Variants in ADGRF5 observed in about 807,000 individuals in gnomAD.
ADGRF5 encodes the protein adhesion G protein-coupled receptor F5, also known as G-protein coupled receptor 116.
ADGRF5 carries 75 observed loss-of-function variants against 132.3 expected under a neutral mutation model. That is an observed-to-expected ratio of 0.57 (90% CI 0.47 to 0.69). ADGRF5 has a LOEUF of 0.69. Ranked by LOEUF, ADGRF5 falls within the 30% of genes least tolerant of loss-of-function variation. The pLI, the probability that ADGRF5 is intolerant of heterozygous loss-of-function variation, is 0.00. For synonymous variants in ADGRF5, 629 were observed against 597.6 expected (o/e 1.05, Z -0.77); for missense variants, 1,516 against 1,630.6 (o/e 0.93, Z 1.21).
At chr6:46,862,024 G>T (rs138621283) in intron 15 of ADGRF5, among the ~76,000 whole-genome samples, 2 of 151,968 alleles carry the variant, frequency 1.3e-5, no homozygotes, top group Admixed American at 6.5e-5. Context: ...CAGAGACAAA[G>T]ATCTGATTTG....
chr6:46,860,739 G>T lies in ADGRF5; in HGVS notation c.2355C>A (p.Thr785=), dbSNP rs1405320916. 4 of 1,613,294 alleles carry T rather than the reference G, an allele frequency of 2.5e-6. No homozygotes were observed. The African/African-American group carries it at 4.0e-5, about 16-fold the overall frequency. Reference sequence around the variant, plus strand: ...CCGTCATCATTTCTGAATTTACTTGGGTTGGAACTGTTGAGAGCAGATCAA... The same window carrying T: ...CCGTCATCATTTCTGAATTTACTTGTGTTGGAACTGTTGAGAGCAGATCAA... The part of the protein sequence containing the change: ...NILDLLSTVP[T]QVNSEMMTHV... The change falls in exon 16 of 21, where the codon ACC becomes ACA. Residue 785 remains threonine (T), a synonymous_variant. Transcript: ENST00000283296.
intron 1 of ADGRF5, among the ~76,000 whole-genome samples, chr6:46,934,034 T>C (rs1310961796): frequency 1.3e-5 from 2 of 152,246 alleles, no homozygotes; most frequent in Non-Finnish European, 2.9e-5. Flanking sequence ...CATTAAGATC[T>C]AGACTTTGTG....
intron 3 of ADGRF5, among the ~76,000 whole-genome samples, chr6:46,898,697 C>T (rs1380064658): frequency 6.6e-6 from 1 of 152,196 alleles, no homozygotes; most frequent in Non-Finnish European, 1.5e-5. Flanking sequence ...CCGTGAAAGG[C>T]TTGAACAGAT....
intron 2 of ADGRF5, chr6:46,905,534 A>T (rs1355882346): frequency 6.6e-6 from 1 of 152,228 alleles, no homozygotes; most frequent in Non-Finnish European, 1.5e-5. Context: ...AAAGAAAAAA[A>T]AATCAAACGC....
At chr6:46,925,476 G>A (rs937951388), upstream of ADGRF5, among the ~76,000 whole-genome samples, 2 of 152,334 alleles carry the variant, frequency 1.3e-5, no homozygotes, top group East Asian at 3.9e-4. Context: ...AAGCTCCTAA[G>A]TCGAGTGCAG....
rs148193845 is a variant in ADGRF5 at position 46,894,709 on chromosome 6, T to C, written c.157+5320A>G. 2.6e-3 allele frequency among the ~76,000 whole-genome samples: 391 copies of C among 152,334 alleles called. 2 individuals are homozygous for C. The highest frequency in any genetic ancestry group is 0.017 in the Middle Eastern group (5 of 294). On this transcript the variant is annotated intron_variant, in intron 3 of 20. Coordinates refer to ENST00000283296, the MANE Select transcript of ADGRF5 (RefSeq NM_001098518.2). Reference sequence around the variant, plus strand: ...TTAACTCTGTGAGCCATACTTTGCTTATCTGTAAATGAAAGGTAGTATTTT... The same window carrying C: ...TTAACTCTGTGAGCCATACTTTGCTCATCTGTAAATGAAAGGTAGTATTTT...
chr6:46,893,058 A>ATTTTTTTTT (rs35014340), intron 3 of ADGRF5, among the ~76,000 whole-genome samples: 6 of 86,734 alleles, frequency 6.9e-5, no homozygotes, highest in Non-Finnish European at 1.0e-4. Context: ...GACAACAGGG[A>ATTTTTTTTT]TTTTTTTTTT....
rs1301945643 is a variant in ADGRF5 at position 46,869,050 on chromosome 6, C to T, written c.1454G>A (p.Gly485Glu). 1.9e-6 allele frequency: 3 copies of T among 1,613,848 alleles called. No individual in the cohort carries two copies. Among genetic ancestry groups the T allele is most frequent in the Non-Finnish European group, 8.5e-7 (1 of 1,179,942 alleles). ...GATGCATTTTATAGAAAAGTTTTGT[C>T]CCTCAGAAACAGAAATTGGGTCCGG... ...ITPDPISVSEGQNFSIKCISD... is the reference protein window; with the variant it reads ...ITPDPISVSEEQNFSIKCISD... Residue 485 changes from glycine to glutamate, a missense_variant, in exon 12 of 21, where the codon GGA (glycine) becomes GAA (glutamate). Around this residue, in one of 2 missense-constraint regions of ADGRF5, gnomAD observed 945 missense variants for 929.4 expected, o/e 1.02. Transcript: ENST00000283296.
chr6:46,859,817 C>CTATTTTATTTTATTTTAT lies in ADGRF5; in HGVS notation c.2380-312_2380-295dup, dbSNP rs138926642. On this transcript the variant is annotated intron_variant, in intron 16 of 20. Coordinates refer to ENST00000283296, the MANE Select transcript of ADGRF5 (RefSeq NM_001098518.2). The stretch of plus-strand genomic sequence containing the variant: ...TTCAGCAGGCTGGCAGGGATATTTA[C>CTATTTTATTTTATTTTAT]TATTTTATTTTATTTTATTTTATTT... 2.4e-4 allele frequency among the ~76,000 whole-genome samples: 35 copies of CTATTTTATTTTATTTTAT among 146,178 alleles called. No homozygotes were observed. In the East Asian group the frequency reaches 7.0e-3, roughly 29 times the overall value.
intron 11 of ADGRF5, among the ~76,000 whole-genome samples, chr6:46,871,120 C>T (rs997264279): frequency 1.3e-5 from 2 of 152,020 alleles, no homozygotes; most frequent in Admixed American, 6.6e-5. Context: ...TTATATCAGT[C>T]GTTTCTCTAA....
chr6:46,861,496 G>A (rs1769742771), intron 15 of ADGRF5, among the ~76,000 whole-genome samples: 1 of 152,076 alleles, frequency 6.6e-6, no homozygotes, highest in South Asian at 2.1e-4. Context: ...AAAAGCATTT[G>A]ATAGATGTTC....
chr6:46,937,776 C>T (rs866969544), intron 1 of ADGRF5, among the ~76,000 whole-genome samples: 6 of 152,124 alleles, frequency 3.9e-5, no homozygotes, highest in Middle Eastern at 3.2e-3. Context: ...TGCTGCAATA[C>T]ATATCTTGAC....
Position 46,869,019 on chromosome 6 carries a change from A to G in ADGRF5, c.1485T>C (p.Asp495=). 2 of 1,613,724 alleles carry G rather than the reference A, an allele frequency of 1.2e-6. No homozygotes were observed. Among genetic ancestry groups the G allele is most frequent in the East Asian group, 4.5e-5 (2 of 44,886 alleles). The stretch of plus-strand genomic sequence containing the variant: ...AATAAACCTCATCATAGTTACTCAC[A>G]TCACTGATGCATTTTATAGAAAAGT... ...GQNFSIKCIS[D]VSNYDEVYWN... The change falls in exon 12 of 21, where the codon GAT becomes GAC. Residue 495 remains aspartate (D), a synonymous_variant. Coordinates refer to ENST00000283296, the MANE Select transcript of ADGRF5 (RefSeq NM_001098518.2).
intron 15 of ADGRF5, among the ~76,000 whole-genome samples, chr6:46,861,503 G>A (rs1013553360): frequency 6.6e-6 from 1 of 152,020 alleles, no homozygotes; most frequent in African/African-American, 2.4e-5. Context: ...TTTGATAGAT[G>A]TTCCAACCCA....
intron 1 of ADGRF5, among the ~76,000 whole-genome samples, chr6:46,934,964 T>C (rs1318595868): frequency 6.6e-6 from 1 of 151,636 alleles, no homozygotes; most frequent in African/African-American, 2.4e-5. Flanking sequence ...TAATCACTGA[T>C]GTTGTTTGGG....
intron 1 of ADGRF5, among the ~76,000 whole-genome samples, chr6:46,945,128 T>A (rs558799491): frequency 6.6e-6 from 1 of 152,340 alleles, no homozygotes; most frequent in Non-Finnish European, 1.5e-5. Context: ...GAATATGCAG[T>A]GTCACTCATG....
At position 46,854,756 on chromosome 6, in the gene ADGRF5, A is replaced by T. The variant is rs984370416; in HGVS notation, c.3962-685T>A. The T allele has an allele frequency of 4.7e-6, 6 of 1,287,008 alleles. No homozygotes were observed. The African/African-American group carries it at 9.1e-5, about 20-fold the overall frequency. The allele number at this position is 1,287,008 out of a possible 1,614,324, so 79.7% of individuals were successfully genotyped here. A position where few individuals can be genotyped will look rare whatever the true frequency, so the allele number is the denominator to read the frequency against. On this transcript the variant is annotated intron_variant, in intron 20 of 20. Transcript: ENST00000283296. ...TGCCACCGCTAACAAGGTTTCCGTC[A>T]TGGCCTGGGGGGATCTTAGGGGCTG...
At chr6:46,926,398 C>T (rs114598533), upstream of ADGRF5, among the ~76,000 whole-genome samples, 2,218 of 152,218 alleles carry the variant, frequency 0.015, 49 homozygotes, top group African/African-American at 0.051. Flanking sequence ...AGTCACCCTC[C>T]AAGTAGGACC....
At chr6:46,925,153 C>T (rs191021604), upstream of ADGRF5, among the ~76,000 whole-genome samples, 79 of 152,380 alleles carry the variant, frequency 5.2e-4, no homozygotes, top group Non-Finnish European at 9.4e-4. Context: ...CCCCATCATT[C>T]ATGTTGCTCC....
Sources: gnomAD v4.1 joint callset for allele counts (sites outside exome capture counted in the v4.1 genomes callset) on GRCh38, gnomAD v4.1.1 for gene constraint, gnomAD v4.1.1 regional missense constraint, MANE v1.5 for transcripts, NCBI Gene and HGNC (gene_info 2026-07-23, HGNC 2026-07-21) for gene names.